Variants in ZFHX3 observed in about 807,000 individuals in gnomAD.
ZFHX3 encodes zinc finger homeobox protein 3.
In ZFHX3, 42 loss-of-function variants were observed where a neutral mutation model predicts 279.1. That is an observed-to-expected ratio of 0.15 (90% confidence interval 0.12 to 0.19). The LOEUF is 0.19. Ranked by LOEUF, ZFHX3 falls within the 10% of genes least tolerant of loss-of-function variation. The probability of loss-of-function intolerance (pLI) is 1.00; values close to 1 mark genes in which losing one functional copy is unlikely to be tolerated. For synonymous variants in ZFHX3, 2,293 were observed against 1,957.8 expected (o/e 1.17, Z -4.52); for missense variants, 4,981 against 4,754.0 (o/e 1.05, Z -1.40).
chr16:73,059,524 T>TCTC (rs1965652142), exon 1 of ZFHX3: 22 of 103,246 alleles, frequency 2.1e-4, no homozygotes, highest in African/African-American at 6.9e-4. Context: ...ATTTTCCCCT[T>TCTC]TCTCTCTCTC....
intron 2 of ZFHX3, chr16:73,486,986 T>A (rs1293360142): frequency 2.8e-6 from 1 of 358,736 alleles, no homozygotes; most frequent in Admixed American, 3.5e-5. Context: ...TGTTATGGCA[T>A]AAAACCTGCT....
Position 73,772,395 on chromosome 16 carries a change from T to A in ZFHX3, c.-1607-92155A>T, listed in dbSNP as rs939028288. On this transcript the variant is annotated intron_variant, in intron 1 of 17. Transcript: ENST00000641206. ...CTCCCCCTCATAAAACCATCAGATCTTGTAAGACTTACTTGCCATCACGCG... is the reference window on the plus strand; with the variant it reads ...CTCCCCCTCATAAAACCATCAGATCATGTAAGACTTACTTGCCATCACGCG... Among the ~76,000 whole-genome samples the A allele has an allele frequency of 3.2e-4, 48 of 152,164 alleles. 1 individual carries two copies. The highest frequency in any genetic ancestry group is 1.3e-4 in the Non-Finnish European group (9 of 68,042).
chr16:73,638,913 A>C (rs1430340686), intron 2 of ZFHX3, among the ~76,000 whole-genome samples: 2 of 152,200 alleles, frequency 1.3e-5, no homozygotes, highest in Non-Finnish European at 2.9e-5. Context: ...GTATGGCTTT[A>C]ATCTTGATGA....
At chr16:73,128,670 G>A (rs1431950836) in intron 7 of ZFHX3, among the ~76,000 whole-genome samples, 1 of 152,138 alleles carries the variant, frequency 6.6e-6, no homozygotes, top group Non-Finnish European at 1.5e-5. Flanking sequence ...CATTTCTTTT[G>A]ATCTTTTACC....
intron 4 of ZFHX3, among the ~76,000 whole-genome samples, chr16:72,880,692 C>T (rs143464522): frequency 6.6e-6 from 1 of 152,298 alleles, no homozygotes; most frequent in Non-Finnish European, 1.5e-5. Context: ...AGGAAAATCA[C>T]ACATTGTCTG....
chr16:73,357,341 T>C (rs1012979662), intron 3 of ZFHX3, among the ~76,000 whole-genome samples: 1 of 150,158 alleles, frequency 6.7e-6, no homozygotes, highest in Non-Finnish European at 1.5e-5. Flanking sequence ...ATAACAAAAA[T>C]TGAGAGAGAG....
At chr16:73,070,758 G>C (rs1211700565) in intron 8 of ZFHX3, among the ~76,000 whole-genome samples, 1 of 149,576 alleles carries the variant, frequency 6.7e-6, no homozygotes, top group Non-Finnish European at 1.5e-5. Flanking sequence ...TCCCTCCCCA[G>C]GCCGCCTGCA....
chr16:73,672,341 C>G (rs906209543), intron 2 of ZFHX3, among the ~76,000 whole-genome samples: 1 of 152,136 alleles, frequency 6.6e-6, no homozygotes, highest in Non-Finnish European at 1.5e-5. Flanking sequence ...ATCAAATGAT[C>G]TGAAGATTTG....
chr16:73,587,672 CACTTTCCA>C (rs2143834931), intron 2 of ZFHX3, among the ~76,000 whole-genome samples: 1 of 152,214 alleles, frequency 6.6e-6, no homozygotes, highest in East Asian at 1.9e-4. Flanking sequence ...GGATTTGGAG[CACTTTCCA>C]ATAAAGAAAA....
intron 4 of ZFHX3, among the ~76,000 whole-genome samples, chr16:72,850,559 T>C (rs986430658): frequency 3.9e-5 from 6 of 152,086 alleles, no homozygotes; most frequent in African/African-American, 1.2e-4. Flanking sequence ...ACTGGGGATA[T>C]AGGGTGGGTC....
chr16:72,893,442 G>C (rs1301302082), intron 3 of ZFHX3, among the ~76,000 whole-genome samples: 1 of 152,248 alleles, frequency 6.6e-6, no homozygotes, highest in Non-Finnish European at 1.5e-5. Context: ...AGAAGAGTTG[G>C]ATGGAAATGC....
intron 3 of ZFHX3, among the ~76,000 whole-genome samples, chr16:73,439,825 T>C (rs1380687938): frequency 7.1e-6 from 1 of 141,804 alleles, no homozygotes. Flanking sequence ...TGGACACATG[T>C]GGCATATTTG....
intron 3 of ZFHX3, among the ~76,000 whole-genome samples, chr16:73,402,983 AGGCT>A (rs1370969654): frequency 1.3e-5 from 2 of 152,174 alleles, no homozygotes; most frequent in African/African-American, 4.8e-5. Flanking sequence ...AGCTAACACC[AGGCT>A]GGACTAAAGA....
intron 2 of ZFHX3, among the ~76,000 whole-genome samples, chr16:73,543,661 C>A: frequency 6.6e-6 from 1 of 152,306 alleles, no homozygotes; most frequent in Non-Finnish European, 1.5e-5. Flanking sequence ...GCCCTCTCAC[C>A]TCAGGGTCCG....
At chr16:72,827,883 C>T (rs1273883235) in intron 5 of ZFHX3, among the ~76,000 whole-genome samples, 2 of 152,306 alleles carry the variant, frequency 1.3e-5, no homozygotes, top group South Asian at 2.1e-4. Flanking sequence ...CCCATTCATT[C>T]GGCTGCAGTA....
chr16:73,192,052 C>A (rs1295468986), intron 5 of ZFHX3, among the ~76,000 whole-genome samples: 2 of 152,180 alleles, frequency 1.3e-5, no homozygotes, highest in Non-Finnish European at 2.9e-5. Context: ...TCACGCAAAA[C>A]TATTCAGGTT....
At position 73,507,532 on chromosome 16, in the gene ZFHX3, G is replaced by A. The variant is rs902763008; in HGVS notation, c.-1546-51274C>T. Among the ~76,000 whole-genome samples, 6 of 104,416 alleles carry A rather than the reference G, an allele frequency of 5.7e-5. No homozygotes were observed. The Admixed American group carries it at 7.0e-4, about 12-fold the overall frequency. The allele number at this position is 104,416 out of a possible 152,430, so 68.5% of individuals were successfully genotyped here. A position where few individuals can be genotyped will look rare whatever the true frequency, so the allele number is the denominator to read the frequency against. ...TTTTTTTGAGACAGGGTCTCACTCT[G>A]TTTCCCAGGCTGGAGTACAGTGGTG... On this transcript the variant is annotated intron_variant, in intron 2 of 17. Transcript: ENST00000641206.
chr16:73,574,269 A>G (rs1280008360), intron 2 of ZFHX3, among the ~76,000 whole-genome samples: 2 of 152,198 alleles, frequency 1.3e-5, no homozygotes, highest in Non-Finnish European at 2.9e-5. Context: ...TAAAGAAATG[A>G]TGCAAAATTT....
At chr16:72,910,215 A>G (rs2039284830) in intron 3 of ZFHX3, among the ~76,000 whole-genome samples, 1 of 152,186 alleles carries the variant, frequency 6.6e-6, no homozygotes, top group Non-Finnish European at 1.5e-5. Flanking sequence ...CTAGTGATGG[A>G]ATTACTAACA....
Sources: gnomAD v4.1 joint callset for allele counts (sites outside exome capture counted in the v4.1 genomes callset) on GRCh38, gnomAD v4.1.1 for gene constraint, MANE v1.5 for transcripts, NCBI Gene and HGNC (gene_info 2026-07-23, HGNC 2026-07-21) for gene names.